ADGRB1: variants seen among roughly 807,000 people sequenced by gnomAD.
ADGRB1 encodes adhesion G protein-coupled receptor B1.
Under a neutral mutation model 175.7 loss-of-function variants are expected in ADGRB1, and 36 were observed. The ratio of observed to expected loss-of-function variants is 0.20; its 90% confidence interval spans 0.16 to 0.27. The LOEUF (loss-of-function observed/expected upper bound fraction) is 0.27, where lower values mean the gene tolerates loss of function less well. Ranked by LOEUF, ADGRB1 falls within the 10% of genes least tolerant of loss-of-function variation. The pLI, the probability that ADGRB1 is intolerant of heterozygous loss-of-function variation, is 1.00. For missense variants in ADGRB1, 1,731 were observed against 2,255.3 expected (o/e 0.77, Z 4.71); for synonymous variants, 1,054 against 979.4 (o/e 1.08, Z -1.42).
intron 13 of ADGRB1, among the ~76,000 whole-genome samples, chr8:142,486,504 A>G (rs1408863237): frequency 6.6e-6 from 1 of 152,204 alleles, no homozygotes; most frequent in African/African-American, 2.4e-5. Context: ...GAGGTGTCCC[A>G]TCCCCAGGCC....
In ADGRB1 at chr8:142,511,201, G is replaced by T. The variant is rs1351435370; in HGVS notation, c.2817+128G>T. The T allele has an allele frequency of 1.2e-6, 1 of 802,694 alleles. No individual in the cohort carries two copies. Among genetic ancestry groups the T allele is most frequent in the Non-Finnish European group, 1.5e-6 (1 of 658,022 alleles). 49.7% of individuals were successfully genotyped at this position (802,694 alleles called of 1,614,324 possible). On this transcript the variant is annotated intron_variant, in intron 18 of 30. Transcript: ENST00000517894. This position sits in a 1 kb window ranked among gnomAD's most constrained non-coding sequence, Gnocchi z 4.5. ...GGAGGGGTCGCTGTGGCCCGCAGCC[G>T]CCGTGGCCTGGCCCGGCCGGCGGGG...
Position 142,500,265 on chromosome 8 carries a change from CACGCGCCGCTCCT to C in ADGRB1, c.2675+9451_2675+9463del, listed in dbSNP as rs1219065766. Among the ~76,000 whole-genome samples, 6 of 115,928 alleles carry C rather than the reference CACGCGCCGCTCCT, an allele frequency of 5.2e-5. No individual in the cohort carries two copies. In the East Asian group the frequency reaches 1.8e-3, roughly 34 times the overall value. 76.1% of individuals were successfully genotyped at this position (115,928 alleles called of 152,430 possible). ...CCCACGCGCCGCTCCTCCACCTCCC[CACGCGCCGCTCCT>C]CCACCTCCCCACGCGCCGCTCCTCC... is the stretch of plus-strand genomic sequence containing the variant. On this transcript the variant is annotated intron_variant, in intron 17 of 30. Transcript: ENST00000517894.
chr8:142,475,444 C>G, intron 2 of ADGRB1, 30 bp from the exon 3 acceptor site: 1 of 1,280,044 alleles, frequency 7.8e-7, no homozygotes, highest in Non-Finnish European at 9.9e-7. Context: ...CCTGCCCTGC[C>G]CTGATCCCCG....
At chr8:142,525,873 CAG>C (rs1349600411) in intron 23 of ADGRB1, among the ~76,000 whole-genome samples, 3 of 152,108 alleles carry the variant, frequency 2.0e-5, no homozygotes, top group African/African-American at 4.8e-5. Flanking sequence ...AGTTGGGGAG[CAG>C]AGAGTATGGC....
intron 17 of ADGRB1, among the ~76,000 whole-genome samples, chr8:142,500,238 T>TG (rs1842430329): frequency 4.2e-5 from 1 of 23,706 alleles, no homozygotes; most frequent in African/African-American, 1.4e-4. Context: ...CTCCTCCACC[T>TG]CCCCACGCGC....
At position 142,479,689 on chromosome 8, in the gene ADGRB1, G is replaced by A. The variant is rs1841226101; in HGVS notation, c.1727-4G>A. 1.2e-6 allele frequency: 2 copies of A among 1,612,610 alleles called. No individual in the cohort carries two copies. The highest frequency in any genetic ancestry group is 1.1e-5 in the South Asian group (1 of 91,014). On this transcript the variant is annotated splice_region_variant and splice_polypyrimidine_tract_variant and intron_variant, in intron 8 of 30. Transcript: ENST00000517894. ...CTGAACCCCTGTCCCGGGCCCCTTG[G>A]CAGAGCCCCATGAGATCTGTGATGA...
chr8:142,454,868 C>T (rs1364850126), intron 1 of ADGRB1, among the ~76,000 whole-genome samples: 1 of 152,132 alleles, frequency 6.6e-6, no homozygotes, highest in South Asian at 2.1e-4. Context: ...AGCCTCCTTC[C>T]TCCACAGAGC....
intron 2 of ADGRB1, among the ~76,000 whole-genome samples, chr8:142,470,105 C>A (rs768235798): frequency 6.6e-6 from 1 of 152,198 alleles, no homozygotes; most frequent in South Asian, 2.1e-4. Context: ...ACGCGTCAGA[C>A]TCTGCAAACA....
intron 27 of ADGRB1, 190 bp downstream of exon 27, chr8:142,539,603 C>G: frequency 3.0e-6 from 2 of 667,492 alleles, no homozygotes; most frequent in Non-Finnish European, 5.1e-6. Flanking sequence ...CTTCCACCCC[C>G]GTCCACTTCC....
At chr8:142,469,304 TG>T (rs1173376108) in intron 2 of ADGRB1, among the ~76,000 whole-genome samples, 2 of 150,776 alleles carry the variant, frequency 1.3e-5, no homozygotes, top group African/African-American at 4.9e-5. Context: ...CACGCGTGCA[TG>T]TGTGAATGTA....
At position 142,510,916 on chromosome 8, in the gene ADGRB1, T is replaced by TTCCCCC; in HGVS notation, c.2676-16_2676-15insTCCCCC. 1 of 969,734 alleles carries TTCCCCC rather than the reference T, an allele frequency of 1.0e-6. No homozygotes were observed. Among genetic ancestry groups the TTCCCCC allele is most frequent in the Non-Finnish European group, 1.3e-6 (1 of 789,296 alleles). The allele number at this position is 969,734 out of a possible 1,614,324, so 60.1% of individuals were successfully genotyped here. A position where few individuals can be genotyped will look rare whatever the true frequency, so the allele number is the denominator to read the frequency against. On this transcript the variant is annotated splice_polypyrimidine_tract_variant and intron_variant, in intron 17 of 30. Transcript: ENST00000517894. The surrounding 1 kb of genome is among the most constrained non-coding windows in gnomAD (Gnocchi z 6.3). ...ACGCTCCGCCTGTCTCCCTCCCGTGTCCCGCCCGCCCCCAGACCCTCCTCC... is the reference window on the plus strand; with the variant it reads ...ACGCTCCGCCTGTCTCCCTCCCGTGTTCCCCCCCCGCCCGCCCCCAGACCCTCCTCC...
chr8:142,538,275 A>G (rs551961831), intron 26 of ADGRB1, among the ~76,000 whole-genome samples: 1 of 152,278 alleles, frequency 6.6e-6, no homozygotes, highest in East Asian at 1.9e-4. Context: ...GCCACCTCAC[A>G]GTGGTTGTGA....
chr8:142,528,390 G>C (rs911491386), intron 24 of ADGRB1, among the ~76,000 whole-genome samples: 3 of 152,328 alleles, frequency 2.0e-5, no homozygotes, highest in African/African-American at 7.2e-5. Flanking sequence ...CCAGGCCTGA[G>C]TTCGTGAGGT....
chr8:142,529,217 C>G (rs1340235941), intron 24 of ADGRB1, among the ~76,000 whole-genome samples: 7 of 152,052 alleles, frequency 4.6e-5, no homozygotes, highest in African/African-American at 7.2e-5. Flanking sequence ...TGTGAGTGTG[C>G]ATGCATGCCA....
At chr8:142,524,382 C>T in intron 23 of ADGRB1, 78 bp downstream of exon 23, 1 of 1,422,552 alleles carries the variant, frequency 7.0e-7, no homozygotes, top group South Asian at 1.3e-5. Flanking sequence ...GGTGCTGTCT[C>T]ATGCCCCAGG....
At chr8:142,533,536 C>G in intron 25 of ADGRB1, 70 bp downstream of exon 25, 4 of 1,477,080 alleles carry the variant, frequency 2.7e-6, no homozygotes, top group Non-Finnish European at 3.6e-6. Flanking sequence ...CCTCCTCCTT[C>G]CCCGAGGACC....
chr8:142,477,030 C>T lies in ADGRB1; in HGVS notation c.1058-84C>T, dbSNP rs1231705070. On this transcript the variant is annotated intron_variant, in intron 4 of 30. Transcript: ENST00000517894. Reference sequence around the variant, plus strand: ...CCCCGCTGCCTGCTCCCCAGCAGGGCAGCCCTCCTGCTGCGGGGTCTGGCC... The same window carrying T: ...CCCCGCTGCCTGCTCCCCAGCAGGGTAGCCCTCCTGCTGCGGGGTCTGGCC... 2.0e-5 allele frequency: 28 copies of T among 1,417,270 alleles called. 1 individual carries two copies. The Admixed American group carries it at 7.7e-4, about 39-fold the overall frequency. The allele number at this position is 1,417,270 out of a possible 1,614,324, so 87.8% of individuals were successfully genotyped here.
chr8:142,488,790 C>T (rs375083718), intron 14 of ADGRB1, among the ~76,000 whole-genome samples: 44 of 152,300 alleles, frequency 2.9e-4, no homozygotes, highest in African/African-American at 1.0e-3. Flanking sequence ...GTCCTGCCTG[C>T]CCGTAGCTCT....
At chr8:142,460,983 A>G (rs529458680) in intron 1 of ADGRB1, among the ~76,000 whole-genome samples, 1 of 152,308 alleles carries the variant, frequency 6.6e-6, no homozygotes, top group South Asian at 2.1e-4. Context: ...GGTGGGCCTC[A>G]TACCCTAAGA....
Sources: gnomAD v4.1 joint callset for allele counts (sites outside exome capture counted in the v4.1 genomes callset) on GRCh38, gnomAD v4.1.1 for gene constraint, Gnocchi (gnomAD v3.1) non-coding constraint, MANE v1.5 for transcripts, NCBI Gene and HGNC (gene_info 2026-07-23, HGNC 2026-07-21) for gene names.